AATF: variants seen among roughly 807,000 people sequenced by gnomAD.
AATF encodes the protein apoptosis antagonizing transcription factor, also known as protein AATF.
Under a neutral mutation model 63.7 loss-of-function variants are expected in AATF, and 48 were observed. The ratio of observed to expected loss-of-function variants is 0.75; its 90% confidence interval spans 0.60 to 0.96. The LOEUF is 0.96. Ranked by LOEUF, AATF falls within the 40% of genes least tolerant of loss-of-function variation. AATF has a pLI of 0.00. For synonymous variants in AATF, 258 were observed against 247.7 expected (o/e 1.04, Z -0.39); for missense variants, 639 against 685.7 (o/e 0.93, Z 0.76).
intron 4 of AATF, among the ~76,000 whole-genome samples, chr17:36,983,247 T>C (rs1259104216): frequency 1.3e-5 from 2 of 152,132 alleles, no homozygotes; most frequent in East Asian, 3.9e-4. Flanking sequence ...CTTCCTACAT[T>C]GTCCGGGCTG....
chr17:36,987,137 G>A (rs1311754303), intron 5 of AATF, among the ~76,000 whole-genome samples: 1 of 148,338 alleles, frequency 6.7e-6, no homozygotes, highest in African/African-American at 2.5e-5. Flanking sequence ...GCAGGCACTT[G>A]CCACCATGCC....
At chr17:36,952,047 G>C (rs1366399575) in intron 2 of AATF, among the ~76,000 whole-genome samples, 1 of 152,214 alleles carries the variant, frequency 6.6e-6, no homozygotes. Flanking sequence ...CTAGCACTCT[G>C]TCTACTATAG....
rs1301159502 is a variant in AATF at position 36,957,496 on chromosome 17, A to T, written c.832+3589A>T. On this transcript the variant is annotated intron_variant, in intron 4 of 11. Coordinates refer to ENST00000619387, the MANE Select transcript of AATF (RefSeq NM_012138.4). ...TTCTTTATATAATTTAAATTAACTA[A>T]TTGTTCTGGAAAGTGTTATAGTTTA... 2.6e-5 allele frequency among the ~76,000 whole-genome samples: 4 copies of T among 152,156 alleles called. No homozygotes were observed. The East Asian group carries it at 7.7e-4, about 29-fold the overall frequency.
chr17:37,002,320 C>T (rs1233557169), intron 8 of AATF, among the ~76,000 whole-genome samples: 1 of 151,790 alleles, frequency 6.6e-6, no homozygotes, highest in Non-Finnish European at 1.5e-5. Context: ...AGTTGTGTTT[C>T]TGTATACCAG....
chr17:37,002,576 G>A (rs1289837425), intron 8 of AATF, among the ~76,000 whole-genome samples: 1 of 151,662 alleles, frequency 6.6e-6, no homozygotes, highest in African/African-American at 2.4e-5. Flanking sequence ...GGAGGCTGAG[G>A]CAGGAGAATG....
intron 4 of AATF, among the ~76,000 whole-genome samples, chr17:36,969,668 T>TA (rs1226132371): frequency 2.6e-5 from 4 of 152,252 alleles, no homozygotes; most frequent in Middle Eastern, 3.2e-3. Context: ...TTTGTTGAGA[T>TA]ATAATTGACA....
intron 11 of AATF, among the ~76,000 whole-genome samples, chr17:37,044,461 G>A (rs2071671982): frequency 6.6e-6 from 1 of 152,072 alleles, no homozygotes. Flanking sequence ...TGAACCCTGG[G>A]AAAGGCTCTC....
Position 36,953,195 on chromosome 17 carries a change from C to T in AATF, c.593C>T (p.Ala198Val). ...CAAGGCGAGAGTGAGGAAGACAGGG[C>T]TGGAGATAGAAACAGTGAGGATGAT... ...DSQGESEEDR[A>V]GDRNSEDDGV... Residue 198 changes from alanine (A) to valine (V), a missense_variant, in exon 3 of 12, where the codon GCT becomes GTT. By Grantham distance (64) the Ala-to-Val change is moderately conservative. Coordinates refer to ENST00000619387, the MANE Select transcript of AATF (RefSeq NM_012138.4). The T allele has an allele frequency of 1.2e-6, 2 of 1,614,070 alleles. No individual in the cohort carries two copies. Among genetic ancestry groups the T allele is most frequent in the Admixed American group, 1.7e-5 (1 of 60,008 alleles).
chr17:37,035,027 G>A (rs551258792), intron 11 of AATF, among the ~76,000 whole-genome samples: 78 of 151,366 alleles, frequency 5.2e-4, no homozygotes, highest in African/African-American at 1.8e-3. Flanking sequence ...GGGAGGCTGA[G>A]GCAGGAGAAT....
chr17:37,046,617 GAAGT>G (rs2142319988), intron 11 of AATF, among the ~76,000 whole-genome samples: 1 of 152,220 alleles, frequency 6.6e-6, no homozygotes. Context: ...CTTATTACCA[GAAGT>G]AATAGCAGAG....
chr17:36,972,461 A>G (rs1038370925), intron 4 of AATF, among the ~76,000 whole-genome samples: 2 of 152,166 alleles, frequency 1.3e-5, no homozygotes, highest in African/African-American at 4.8e-5. Flanking sequence ...CTTCACACCC[A>G]TTTGTCACCC....
intron 11 of AATF, 130 bp from the exon 12 acceptor site, chr17:37,056,471 T>C: frequency 7.3e-6 from 6 of 824,866 alleles, no homozygotes; most frequent in Non-Finnish European, 1.2e-5. Context: ...AGCTGTGGGG[T>C]GCATTTTTAA....
intron 10 of AATF, among the ~76,000 whole-genome samples, chr17:37,023,036 C>T (rs368033764): frequency 3.9e-5 from 6 of 152,028 alleles, no homozygotes; most frequent in African/African-American, 1.4e-4. Context: ...AATTTTTCTC[C>T]AATACTGTAC....
chr17:37,019,157 C>T (rs1425228003), intron 9 of AATF, 85 bp downstream of exon 9: 2 of 1,078,274 alleles, frequency 1.9e-6, no homozygotes, highest in Non-Finnish European at 2.9e-6. Flanking sequence ...ACCTGCAAAG[C>T]AATGATTGGT....
chr17:37,008,053 C>T (rs945014171), intron 8 of AATF, among the ~76,000 whole-genome samples: 1 of 152,128 alleles, frequency 6.6e-6, no homozygotes, highest in Non-Finnish European at 1.5e-5. Context: ...TGTTACACAT[C>T]TTATTTGTTA....
chr17:37,052,102 A>G (rs1470830784), intron 11 of AATF, among the ~76,000 whole-genome samples: 1 of 152,064 alleles, frequency 6.6e-6, no homozygotes, highest in Non-Finnish European at 1.5e-5. Context: ...CCCACTGACC[A>G]TGAGTGTGTG....
At chr17:36,978,831 G>A (rs771991044) in intron 4 of AATF, among the ~76,000 whole-genome samples, 1 of 151,518 alleles carries the variant, frequency 6.6e-6, no homozygotes, top group Non-Finnish European at 1.5e-5. Context: ...TATAGAACAA[G>A]CCCAAACAGT....
intron 11 of AATF, among the ~76,000 whole-genome samples, chr17:37,048,364 T>C (rs10566791): frequency 3.1e-5 from 2 of 65,182 alleles, no homozygotes; most frequent in South Asian, 7.3e-4. Context: ...TTTTCTTTTC[T>C]TTTTTTTTTT....
chr17:37,030,292 G>A (rs2071542891), intron 10 of AATF, among the ~76,000 whole-genome samples: 1 of 152,162 alleles, frequency 6.6e-6, no homozygotes, highest in African/African-American at 2.4e-5. Flanking sequence ...ATTACCTTTG[G>A]GAGGCTGAGC....
Sources: allele counts gnomAD v4.1 joint callset (sites outside exome capture counted in the v4.1 genomes callset), GRCh38; gene constraint gnomAD v4.1.1; transcripts MANE v1.5; gene names NCBI Gene and HGNC (gene_info 2026-07-23, HGNC 2026-07-21).